ARHGAP28: variants seen among roughly 807,000 people sequenced by gnomAD.
ARHGAP28 encodes the protein Rho GTPase activating protein 28, also known as rho GTPase-activating protein 28.
ARHGAP28 carries 56 observed loss-of-function variants against 90.7 expected under a neutral mutation model. The ratio of observed to expected loss-of-function variants is 0.62; its 90% confidence interval spans 0.50 to 0.77. The LOEUF (loss-of-function observed/expected upper bound fraction) is 0.77. Ranked by LOEUF, ARHGAP28 falls within the 30% of genes least tolerant of loss-of-function variation. The probability of loss-of-function intolerance (pLI) is 0.00; values close to 1 mark genes in which losing one functional copy is unlikely to be tolerated. For synonymous variants in ARHGAP28, 308 were observed against 323.3 expected, an observed-to-expected ratio of 0.95 and a Z score of 0.51; for missense variants, 869 against 900.9, an observed-to-expected ratio of 0.96 and a Z score of 0.45.
chr18:6,905,232 AT>A (rs1257719502), intron 16 of ARHGAP28, among the ~76,000 whole-genome samples: 2 of 152,028 alleles, frequency 1.3e-5, no homozygotes, highest in Non-Finnish European at 2.9e-5. Context: ...ACCAACTGGG[AT>A]TTTTTTTCAG....
chr18:6,903,741 A>G (rs1240597223), intron 16 of ARHGAP28, among the ~76,000 whole-genome samples: 1 of 148,668 alleles, frequency 6.7e-6, no homozygotes, highest in Admixed American at 6.9e-5. Context: ...GAGGCAGAGA[A>G]CTGCTTGAAC....
chr18:6,818,374 C>T (rs146371162), intron 1 of ARHGAP28, among the ~76,000 whole-genome samples: 9 of 152,116 alleles, frequency 5.9e-5, no homozygotes, highest in African/African-American at 2.2e-4. Context: ...TTGGACCAGA[C>T]GGGGAAAGGT....
At chr18:6,820,935 G>T (rs2056622670) in intron 1 of ARHGAP28, among the ~76,000 whole-genome samples, 1 of 152,194 alleles carries the variant, frequency 6.6e-6, no homozygotes, top group Non-Finnish European at 1.5e-5. Context: ...GAAAGGATCT[G>T]TTGTGGAAAC....
chr18:6,904,912 A>G (rs1163137038), intron 16 of ARHGAP28, among the ~76,000 whole-genome samples: 1 of 152,170 alleles, frequency 6.6e-6, no homozygotes, highest in African/African-American at 2.4e-5. Flanking sequence ...GCCATTAAAG[A>G]AATTGAATCT....
chr18:6,783,192 G>A (rs2056338747), intron 1 of ARHGAP28, among the ~76,000 whole-genome samples: 1 of 151,916 alleles, frequency 6.6e-6, no homozygotes, highest in South Asian at 2.1e-4. Flanking sequence ...ACCCACTTGG[G>A]GTTCTTTTCT....
chr18:6,871,640 A>C (rs1443325934), intron 7 of ARHGAP28, among the ~76,000 whole-genome samples: 11 of 152,188 alleles, frequency 7.2e-5, no homozygotes, highest in Admixed American at 7.2e-4. Context: ...GCATGTGTGA[A>C]AAGTTTATCT....
chr18:6,771,622 G>A (rs1189775916), intron 1 of ARHGAP28, among the ~76,000 whole-genome samples: 1 of 152,126 alleles, frequency 6.6e-6, no homozygotes, highest in Admixed American at 6.5e-5. Context: ...CATAATTAAT[G>A]AACATTCATC....
chr18:6,876,618 C>G (rs1356522479), intron 10 of ARHGAP28, among the ~76,000 whole-genome samples: 1 of 152,210 alleles, frequency 6.6e-6, no homozygotes, highest in Non-Finnish European at 1.5e-5. Flanking sequence ...GTGGAATTCA[C>G]TAAGCCAATG....
At chr18:6,787,788 A>T (rs940292741) in intron 1 of ARHGAP28, among the ~76,000 whole-genome samples, 1 of 152,208 alleles carries the variant, frequency 6.6e-6, no homozygotes. Context: ...CTCAAAGACA[A>T]CTGTATTTAA....
At chr18:6,900,243 C>T (rs1324400823) in intron 16 of ARHGAP28, among the ~76,000 whole-genome samples, 1 of 152,036 alleles carries the variant, frequency 6.6e-6, no homozygotes, top group Non-Finnish European at 1.5e-5. Flanking sequence ...CTCAACATAT[C>T]ATATCCAAAA....
chr18:6,811,559 A>T (rs1450958864), intron 1 of ARHGAP28, among the ~76,000 whole-genome samples: 1 of 152,160 alleles, frequency 6.6e-6, no homozygotes, highest in African/African-American at 2.4e-5. Context: ...AGTAGACCTT[A>T]ACTAGTCGTG....
Position 6,896,625 on chromosome 18 carries a change from A to G in ARHGAP28, c.2029A>G (p.Ser677Gly), listed in dbSNP as rs761067458. ...DILAKFQYEN[S>G]HGSSECIKIQ... ...ATTGGCAAAATTTCAATATGAAAACAGGTGAGTCAATGTGAATGAAGGTCT... is the reference window on the plus strand; with the variant it reads ...ATTGGCAAAATTTCAATATGAAAACGGGTGAGTCAATGTGAATGAAGGTCT... Residue 677 changes from serine (S) to glycine (G), a missense_variant and splice_region_variant, in exon 16 of 18, where the codon AGT becomes GGT. Transcript: ENST00000383472. 1 of 1,614,066 alleles carries G rather than the reference A, an allele frequency of 6.2e-7. No homozygotes were observed. Among genetic ancestry groups the G allele is most frequent in the East Asian group, 2.2e-5 (1 of 44,886 alleles).
intron 6 of ARHGAP28, among the ~76,000 whole-genome samples, chr18:6,868,616 CT>C (rs2057056889): frequency 7.0e-6 from 1 of 143,276 alleles, no homozygotes; most frequent in South Asian, 2.2e-4. Flanking sequence ...AGCTTGCCCC[CT>C]GACAAGGCTG....
At chr18:6,766,278 T>C (rs2056199264) in intron 1 of ARHGAP28, among the ~76,000 whole-genome samples, 2 of 152,236 alleles carry the variant, frequency 1.3e-5, no homozygotes, top group Non-Finnish European at 2.9e-5. Context: ...TGAAGCACTG[T>C]GTCTCAGGGC....
At chr18:6,870,467 C>T (rs1249455694) in intron 6 of ARHGAP28, 123 bp from the exon 7 acceptor site, 9 of 1,000,976 alleles carry the variant, frequency 9.0e-6, no homozygotes, top group Non-Finnish European at 1.3e-5. Context: ...CTTTTCCTCG[C>T]ATATAAACAC....
chr18:6,879,526 A>G (rs1420644627), intron 10 of ARHGAP28, among the ~76,000 whole-genome samples: 2 of 152,218 alleles, frequency 1.3e-5, no homozygotes, highest in Non-Finnish European at 2.9e-5. Context: ...CCCGGCTGAC[A>G]TGGTTTCACA....
At chr18:6,829,860 G>A (rs1053905405) in intron 2 of ARHGAP28, among the ~76,000 whole-genome samples, 11 of 152,204 alleles carry the variant, frequency 7.2e-5, no homozygotes, top group Admixed American at 2.0e-4. Context: ...CACAAAACTA[G>A]TGGCTTAAAA....
At chr18:6,823,558 A>G (rs2143763633) in intron 1 of ARHGAP28, among the ~76,000 whole-genome samples, 1 of 150,466 alleles carries the variant, frequency 6.6e-6, no homozygotes, top group Non-Finnish European at 1.5e-5. Flanking sequence ...TCTTTTGAGT[A>G]TATACCCAGA....
At chr18:6,883,504 C>T (rs1432043939) in intron 11 of ARHGAP28, among the ~76,000 whole-genome samples, 1 of 152,120 alleles carries the variant, frequency 6.6e-6, no homozygotes, top group African/African-American at 2.4e-5. Context: ...CTCCAAATTG[C>T]TGGGATTACA....
Sources: allele counts gnomAD v4.1 joint callset (sites outside exome capture counted in the v4.1 genomes callset), GRCh38; gene constraint gnomAD v4.1.1; transcripts MANE v1.5; gene names NCBI Gene and HGNC (gene_info 2026-07-23, HGNC 2026-07-21).